Variants in NR3C2 observed in about 807,000 individuals in gnomAD.
NR3C2 encodes mineralocorticoid receptor.
A neutral mutation model predicts 86.4 loss-of-function variants in NR3C2; 15 were observed. The observed-to-expected ratio is 0.17, with a 90% confidence interval of 0.12 to 0.27. The LOEUF is 0.27. Among genes scored for constraint, NR3C2 ranks in the 10% least tolerant of loss-of-function variants. NR3C2 has a pLI of 1.00. For synonymous variants in NR3C2, 458 were observed against 450.5 expected, an observed-to-expected ratio of 1.02 and a Z score of -0.21; for missense variants, 960 against 1,195.6, an observed-to-expected ratio of 0.80 and a Z score of 2.91.
At chr4:148,148,448 C>A (rs72945916) in intron 6 of NR3C2, among the ~76,000 whole-genome samples, 1 of 152,150 alleles carries the variant, frequency 6.6e-6, no homozygotes, top group Non-Finnish European at 1.5e-5. Context: ...AAATGTCACC[C>A]CATCACTTAG....
At chr4:148,430,208 T>C (rs1749734879) in intron 2 of NR3C2, among the ~76,000 whole-genome samples, 3 of 152,196 alleles carry the variant, frequency 2.0e-5, no homozygotes, top group South Asian at 2.1e-4. Context: ...GGTATGAAAA[T>C]TGCATTAAGT....
In NR3C2 at chr4:148,324,786, T is replaced by G. The variant is rs972911357; in HGVS notation, c.1758-64669A>C. On this transcript the variant is annotated intron_variant, in intron 2 of 8. Coordinates refer to ENST00000358102, the MANE Select transcript of NR3C2 (RefSeq NM_000901.5). ...CAAAACATATTTCATATCTTAAATA[T>G]GTACAATTTTTATCCATTATATCTC... 2.6e-5 allele frequency among the ~76,000 whole-genome samples: 4 copies of G among 152,210 alleles called. No individual in the cohort carries two copies. In the South Asian group the frequency reaches 8.3e-4, roughly 32 times the overall value.
chr4:148,119,395 C>T (rs1732410384), intron 7 of NR3C2, among the ~76,000 whole-genome samples: 1 of 152,208 alleles, frequency 6.6e-6, no homozygotes, highest in African/African-American at 2.4e-5. Flanking sequence ...AGCTGCATCA[C>T]ATGTCCCTCC....
At chr4:148,414,283 C>T (rs980847454) in intron 2 of NR3C2, among the ~76,000 whole-genome samples, 7 of 152,030 alleles carry the variant, frequency 4.6e-5, no homozygotes, top group Non-Finnish European at 7.4e-5. Context: ...GGACTGCTTC[C>T]GCAAAGACAG....
chr4:148,323,284 C>G (rs1743736881), intron 2 of NR3C2, among the ~76,000 whole-genome samples: 1 of 143,556 alleles, frequency 7.0e-6, no homozygotes, highest in African/African-American at 2.7e-5. Context: ...CTCTTCAAAG[C>G]TGTCAGACAG....
chr4:148,120,431 A>C (rs527347557), intron 6 of NR3C2, 143 bp from the exon 7 acceptor site: 1 of 955,486 alleles, frequency 1.0e-6, no homozygotes, highest in South Asian at 1.5e-5. Flanking sequence ...TTTTAAAGAC[A>C]AGTTAGATGC....
intron 3 of NR3C2, among the ~76,000 whole-genome samples, chr4:148,258,145 G>A (rs1221378493): frequency 6.6e-6 from 1 of 152,162 alleles, no homozygotes; most frequent in Non-Finnish European, 1.5e-5. Context: ...CTACAGGTAG[G>A]GCCAGCTGGC....
intron 2 of NR3C2, among the ~76,000 whole-genome samples, chr4:148,304,328 C>CTT (rs35633620): frequency 0.024 from 2,033 of 83,762 alleles, 63 homozygotes; most frequent in African/African-American, 0.056. Flanking sequence ...GTTGTTGTTG[C>CTT]TTTTTTTTTT....
chr4:148,425,517 G>A (rs528781881), intron 2 of NR3C2, among the ~76,000 whole-genome samples: 1 of 152,298 alleles, frequency 6.6e-6, no homozygotes, highest in South Asian at 2.1e-4. Context: ...CTTCTTGGCA[G>A]AGGCACCAGT....
At chr4:148,238,984 C>T (rs758933477) in intron 3 of NR3C2, among the ~76,000 whole-genome samples, 21 of 152,104 alleles carry the variant, frequency 1.4e-4, no homozygotes, top group Non-Finnish European at 5.9e-5. Context: ...GTCCAAGGGC[C>T]GGAGGTGGGG....
intron 8 of NR3C2, among the ~76,000 whole-genome samples, chr4:148,095,259 G>A (rs563672916): frequency 3.3e-5 from 5 of 152,350 alleles, no homozygotes; most frequent in East Asian, 1.9e-4. Context: ...GAAGCTGCCC[G>A]CTTGTGCCCA....
At chr4:148,226,015 A>G (rs1738143210) in intron 3 of NR3C2, among the ~76,000 whole-genome samples, 1 of 152,178 alleles carries the variant, frequency 6.6e-6, no homozygotes, top group African/African-American at 2.4e-5. Flanking sequence ...ATAAGCCTTT[A>G]TGCTTTCCTA....
intron 2 of NR3C2, among the ~76,000 whole-genome samples, chr4:148,278,990 C>A (rs527958257): frequency 6.6e-6 from 1 of 151,922 alleles, no homozygotes; most frequent in African/African-American, 2.4e-5. Context: ...AGTGAAACCC[C>A]GTCCCTACTA....
intron 2 of NR3C2, among the ~76,000 whole-genome samples, chr4:148,273,854 G>A (rs1380067361): frequency 1.3e-5 from 2 of 152,190 alleles, no homozygotes; most frequent in Non-Finnish European, 2.9e-5. Context: ...ACAGAATCAC[G>A]GTGATCCTGC....
At chr4:148,299,780 T>C (rs945885083) in intron 2 of NR3C2, among the ~76,000 whole-genome samples, 4 of 152,238 alleles carry the variant, frequency 2.6e-5, no homozygotes, top group African/African-American at 9.6e-5. Context: ...TATTTTTTTC[T>C]CCACCCTGTC....
At chr4:148,308,183 A>G (rs1428688447) in intron 2 of NR3C2, among the ~76,000 whole-genome samples, 3 of 152,176 alleles carry the variant, frequency 2.0e-5, no homozygotes, top group African/African-American at 7.2e-5. Flanking sequence ...GGTAACATCT[A>G]CGGATCTGTG....
chr4:148,279,315 T>A (rs1741120357), intron 2 of NR3C2, among the ~76,000 whole-genome samples: 1 of 152,224 alleles, frequency 6.6e-6, no homozygotes, highest in South Asian at 2.1e-4. Flanking sequence ...GCAGAAGCTG[T>A]TATCTGAAGA....
At chr4:148,443,084 C>T (rs1345375575), upstream of NR3C2, 2 of 563,868 alleles carry the variant, frequency 3.5e-6, no homozygotes, top group Admixed American at 6.3e-5. Flanking sequence ...CCAGAGTTAC[C>T]TCTCAGCAGA....
chr4:148,386,364 T>C (rs1294133815), intron 2 of NR3C2, among the ~76,000 whole-genome samples: 2 of 152,160 alleles, frequency 1.3e-5, no homozygotes, highest in Admixed American at 6.5e-5. Flanking sequence ...CGAGCATACC[T>C]CAGCTTTCCA....
Sources: allele counts gnomAD v4.1 joint callset (sites outside exome capture counted in the v4.1 genomes callset), GRCh38; gene constraint gnomAD v4.1.1; transcripts MANE v1.5; gene names NCBI Gene and HGNC (gene_info 2026-07-23, HGNC 2026-07-21).